The following MARK1 variants were observed in gnomAD, a reference collection of about 807,000 sequenced individuals.
MARK1 encodes serine/threonine-protein kinase MARK1.
In MARK1, 40 loss-of-function variants were observed where a neutral mutation model predicts 96.3. The observed-to-expected ratio is 0.42, with a 90% confidence interval of 0.32 to 0.54. The LOEUF (loss-of-function observed/expected upper bound fraction) is 0.54. MARK1 is among the 20% of genes least tolerant of loss of function. MARK1 has a pLI of 0.16. For missense variants in MARK1, 719 were observed against 984.6 expected (o/e 0.73, Z 3.61); for synonymous variants, 317 against 341.2 (o/e 0.93, Z 0.78).
At chr1:220,660,341 C>T (rs925471976) in intron 17 of MARK1, among the ~76,000 whole-genome samples, 13 of 152,110 alleles carry the variant, frequency 8.5e-5, no homozygotes, top group Admixed American at 8.5e-4. Context: ...ATTTTCTCTA[C>T]GTATTCCTTT....
intron 11 of MARK1, among the ~76,000 whole-genome samples, chr1:220,634,105 T>C (rs928397975): frequency 5.9e-5 from 9 of 152,200 alleles, no homozygotes; most frequent in Non-Finnish European, 2.9e-5. Flanking sequence ...AGATGTGGTA[T>C]CAAAGAAGCC....
chr1:220,535,339 G>A (rs529313435), intron 1 of MARK1, among the ~76,000 whole-genome samples: 18 of 152,088 alleles, frequency 1.2e-4, no homozygotes, highest in African/African-American at 1.9e-4. Context: ...GATGTTCACC[G>A]TCTTTTTATG....
intron 9 of MARK1, among the ~76,000 whole-genome samples, chr1:220,624,794 C>G (rs984891058): frequency 1.1e-4 from 17 of 152,158 alleles, no homozygotes; most frequent in African/African-American, 4.1e-4. Context: ...AATTGCTTAT[C>G]TCTCAGCTGT....
Position 220,657,831 on chromosome 1 carries a change from CA to C in MARK1, c.2032del (p.Arg678GlufsTer29). On this transcript the variant is annotated frameshift_variant and splice_region_variant, in exon 17 of 18. Transcript: ENST00000366917. LOFTEE classifies it high-confidence loss of function. ...GAAGCCAGTGGCAGAACCGACACCTCAAGGTGAGGAGCCACTATTAATACTT... is the reference window on the plus strand; with the variant it reads ...GAAGCCAGTGGCAGAACCGACACCTCAGGTGAGGAGCCACTATTAATACTT... ...EGEASGRTDT[S>X]RSTSGEPKER... 2 of 1,567,230 alleles carry C rather than the reference CA, an allele frequency of 1.3e-6. No individual in the cohort carries two copies. Among genetic ancestry groups the C allele is most frequent in the South Asian group, 1.2e-5 (1 of 81,290 alleles).
Position 220,528,663 on chromosome 1 carries a change from CT to C in MARK1, c.-157del. The C allele has an allele frequency of 3.5e-6, 2 of 563,480 alleles. No homozygotes were observed. Among genetic ancestry groups the C allele is most frequent in the South Asian group, 5.4e-5 (2 of 36,772 alleles). 34.9% of individuals were successfully genotyped at this position (563,480 alleles called of 1,614,324 possible). On this transcript the variant is annotated 5_prime_UTR_variant, in exon 1 of 18. Transcript: ENST00000366917. Reference sequence around the variant, plus strand: ...CCTCTTCCTCCGCGTCCTCTTCCCTCTTTCCCCCGCCGGGGCCGCTTGTTGC... The same window carrying C: ...CCTCTTCCTCCGCGTCCTCTTCCCTCTTCCCCCGCCGGGGCCGCTTGTTGC...
At chr1:220,587,795 A>G (rs758308988) in intron 3 of MARK1, among the ~76,000 whole-genome samples, 9 of 151,916 alleles carry the variant, frequency 5.9e-5, no homozygotes, top group Non-Finnish European at 1.0e-4. Context: ...TTATTGTTCT[A>G]TGTATTTTAT....
rs1178362744 is a variant in MARK1, at chr1:220,618,884, T to C, written c.909+129T>C. On this transcript the variant is annotated intron_variant, in intron 9 of 17. Transcript: ENST00000366917. This position sits in a 1 kb window ranked among gnomAD's most constrained non-coding sequence, Gnocchi z 4.6. ...ATCTAATCTGCCTTTTGTTTGTAGG[T>C]AGGGAAAATTACATGACTTTTTTTC... 1.3e-6 allele frequency: 1 copy of C among 751,608 alleles called. No homozygotes were observed. Among genetic ancestry groups the C allele is most frequent in the Admixed American group, 3.5e-5 (1 of 28,736 alleles). 46.6% of individuals were successfully genotyped at this position (751,608 alleles called of 1,614,324 possible).
intron 1 of MARK1, among the ~76,000 whole-genome samples, chr1:220,535,295 T>C (rs1051524712): frequency 6.6e-6 from 1 of 152,196 alleles, no homozygotes; most frequent in Non-Finnish European, 1.5e-5. Flanking sequence ...AATATCTTAC[T>C]GTGGTTTTGA....
chr1:220,626,914 T>G (rs929195635), intron 9 of MARK1: 11 of 495,418 alleles, frequency 2.2e-5, no homozygotes, highest in Non-Finnish European at 4.0e-5. Context: ...AGGAAGTGGT[T>G]CCAATTTGTA....
chr1:220,574,827 C>G (rs1039536127), intron 1 of MARK1, among the ~76,000 whole-genome samples: 1 of 152,072 alleles, frequency 6.6e-6, no homozygotes, highest in East Asian at 1.9e-4. Context: ...ATTGCAATGA[C>G]CTGTATTGGT....
chr1:220,581,059 T>C lies in MARK1; in HGVS notation c.256-6T>C, dbSNP rs1402187751. Reference sequence around the variant, plus strand: ...CAAATAGAGTTTAATGATTCTTCTTTTTTAGGTTGCTGTGAAAATAATAGA... The same window carrying C: ...CAAATAGAGTTTAATGATTCTTCTTCTTTAGGTTGCTGTGAAAATAATAGA... On this transcript the variant is annotated splice_polypyrimidine_tract_variant and splice_region_variant and intron_variant, in intron 2 of 17. Coordinates refer to ENST00000366917, the MANE Select transcript of MARK1 (RefSeq NM_018650.5). 1.2e-5 allele frequency: 15 copies of C among 1,258,292 alleles called. No individual in the cohort carries two copies. Among genetic ancestry groups the C allele is most frequent in the South Asian group, 2.2e-5 (1 of 45,226 alleles). 77.9% of individuals were successfully genotyped at this position (1,258,292 alleles called of 1,614,324 possible). A position where few individuals can be genotyped will look rare whatever the true frequency, so the allele number is the denominator to read the frequency against.
At chr1:220,560,671 C>G (rs560741104) in intron 1 of MARK1, among the ~76,000 whole-genome samples, 1 of 152,282 alleles carries the variant, frequency 6.6e-6, no homozygotes, top group South Asian at 2.1e-4. Context: ...GATTCAGGTC[C>G]TAAGCAGGAC....
chr1:220,618,560 T>C lies in MARK1; in HGVS notation c.789+14T>C, dbSNP rs778004852. 6.2e-7 allele frequency: 1 copy of C among 1,613,470 alleles called. No individual in the cohort carries two copies. The highest frequency in any genetic ancestry group is 1.7e-5 in the Admixed American group (1 of 59,920). On this transcript the variant is annotated intron_variant, in intron 8 of 17. Coordinates refer to ENST00000366917, the MANE Select transcript of MARK1 (RefSeq NM_018650.5). The surrounding 1 kb of genome is among the most constrained non-coding windows in gnomAD (Gnocchi z 4.6). ...CAGAATTTAAAGGTATCAGCTAAATTCTTTATTAATGTTTTATCCCCAAGT... is the reference window on the plus strand; with the variant it reads ...CAGAATTTAAAGGTATCAGCTAAATCCTTTATTAATGTTTTATCCCCAAGT...
chr1:220,545,215 A>T (rs1380647416), intron 1 of MARK1, among the ~76,000 whole-genome samples: 1 of 152,202 alleles, frequency 6.6e-6, no homozygotes, highest in Non-Finnish European at 1.5e-5. Context: ...AGTGGAGAAG[A>T]GGAGAACATC....
At chr1:220,567,719 T>C (rs1319468660) in intron 1 of MARK1, among the ~76,000 whole-genome samples, 1 of 152,192 alleles carries the variant, frequency 6.6e-6, no homozygotes, top group Non-Finnish European at 1.5e-5. Flanking sequence ...CTCTTTTGTA[T>C]AGTTCTAATT....
chr1:220,616,189 T>A (rs1666742203), intron 7 of MARK1, among the ~76,000 whole-genome samples, 194 bp downstream of exon 7: 1 of 152,186 alleles, frequency 6.6e-6, no homozygotes, highest in African/African-American at 2.4e-5. Context: ...ATATGAGTGA[T>A]AAGTTTTCTA....
chr1:220,571,890 C>T (rs1663489430), intron 1 of MARK1: 2 of 152,214 alleles, frequency 1.3e-5, no homozygotes, highest in African/African-American at 4.8e-5. Context: ...GTCCCCCACT[C>T]CCAGGAGGTC....
intron 9 of MARK1, among the ~76,000 whole-genome samples, chr1:220,619,700 T>A (rs1301702466): frequency 6.6e-6 from 1 of 152,310 alleles, no homozygotes; most frequent in East Asian, 1.9e-4. Flanking sequence ...AAATGTCTAC[T>A]ATTTTTTTTC....
intron 1 of MARK1, among the ~76,000 whole-genome samples, chr1:220,553,941 G>A (rs907200811): frequency 6.6e-6 from 1 of 152,198 alleles, no homozygotes; most frequent in South Asian, 2.1e-4. Flanking sequence ...GCAGACCTCT[G>A]ATGTTCTGGC....
Sources: allele counts gnomAD v4.1 joint callset (sites outside exome capture counted in the v4.1 genomes callset), GRCh38; gene constraint gnomAD v4.1.1; non-coding constraint Gnocchi (gnomAD v3.1); transcripts MANE v1.5; gene names NCBI Gene and HGNC (gene_info 2026-07-23, HGNC 2026-07-21).